Variants in GLIS3 observed in about 807,000 individuals in gnomAD.
The protein encoded by GLIS3 is zinc finger protein GLIS3.
In GLIS3, 53 loss-of-function variants were observed where a neutral mutation model predicts 78.6. That is an observed-to-expected ratio of 0.67 (90% CI 0.54 to 0.85). GLIS3 has a LOEUF of 0.85. GLIS3 is among the 40% of genes least tolerant of loss of function. The pLI, the probability that GLIS3 is intolerant of heterozygous loss-of-function variation, is 0.00. For synonymous variants in GLIS3, 684 were observed against 509.9 expected (o/e 1.34, Z -4.60); for missense variants, 1,703 against 1,231.1 (o/e 1.38, Z -5.74).
chr9:4,407,237 C>G, the GLIS3 span, among the ~76,000 whole-genome samples: 2 of 152,194 alleles, frequency 1.3e-5, no homozygotes, highest in African/African-American at 4.8e-5. Context: ...ACTGGATATC[C>G]TTACGCAGAA....
rs562934082 is a variant in GLIS3, at chr9:4,118,513, G to A, written c.965C>T (p.Thr322Met). 4.3e-6 allele frequency: 7 copies of A among 1,614,254 alleles called. No individual in the cohort carries two copies. Among genetic ancestry groups the A allele is most frequent in the South Asian group, 1.1e-5 (1 of 91,082 alleles). ...IGIDFNTIIR[T>M]SPTSLVAYIN... is the part of the protein sequence containing the mutation. ...GTAGGCCACCAAGGACGTGGGCGAC[G>A]TGCGGATGATGGTATTGAAATCTAT... The change falls in exon 4 of 11, where the codon ACG (threonine) becomes ATG (methionine). Residue 322 changes from threonine (T) to methionine (M), a missense_variant. Thr to Met is a moderately conservative substitution (Grantham distance 81). Coordinates refer to ENST00000381971, the MANE Select transcript of GLIS3 (RefSeq NM_001042413.2). This position sits in a 1 kb window ranked among gnomAD's most constrained non-coding sequence, Gnocchi z 4.7.
At chr9:4,340,474 T>G (rs1817818657) in intron 2 of GLIS3, among the ~76,000 whole-genome samples, 1 of 152,174 alleles carries the variant, frequency 6.6e-6, no homozygotes, top group Admixed American at 6.5e-5. Flanking sequence ...GGCAAATTCC[T>G]CATCTTTCAG....
chr9:4,433,236 A>C, the GLIS3 span, among the ~76,000 whole-genome samples: 1 of 152,214 alleles, frequency 6.6e-6, no homozygotes, highest in African/African-American at 2.4e-5. Flanking sequence ...GTTTGAGACC[A>C]GCCTGGCCAA....
chr9:4,203,856 A>G (rs1436605657), intron 2 of GLIS3, among the ~76,000 whole-genome samples: 2 of 152,246 alleles, frequency 1.3e-5, no homozygotes, highest in Admixed American at 1.3e-4. Context: ...TAACACAAGA[A>G]CAGGAAGCCA....
At chr9:4,189,334 C>G (rs1024580912) in intron 2 of GLIS3, among the ~76,000 whole-genome samples, 1 of 152,098 alleles carries the variant, frequency 6.6e-6, no homozygotes, top group Non-Finnish European at 1.5e-5. Context: ...ATCCTGAGTT[C>G]TAGTTTGATT....
chr9:4,042,702 A>G (rs1824923039), intron 4 of GLIS3, among the ~76,000 whole-genome samples: 1 of 152,212 alleles, frequency 6.6e-6, no homozygotes, highest in South Asian at 2.1e-4. Context: ...CACTATAACA[A>G]AACAAAACTC....
the GLIS3 span, among the ~76,000 whole-genome samples, chr9:4,354,853 A>G: frequency 6.6e-6 from 1 of 152,174 alleles, no homozygotes; most frequent in Non-Finnish European, 1.5e-5. Context: ...ATGGTGGCTC[A>G]TGCCTGTAAT....
the GLIS3 span, among the ~76,000 whole-genome samples, chr9:4,450,110 G>C: frequency 2.8e-3 from 433 of 152,254 alleles, 3 homozygotes; most frequent in African/African-American, 0.01. Context: ...AAAAAGATAA[G>C]ATGAATGGCT....
chr9:3,926,619 CCTT>C (rs1237682596), intron 6 of GLIS3, among the ~76,000 whole-genome samples: 1 of 151,512 alleles, frequency 6.6e-6, no homozygotes, highest in African/African-American at 2.4e-5. Flanking sequence ...TTCCTTCCTT[CCTT>C]CTTTTCTTTC....
chr9:4,357,573 G>C, the GLIS3 span, among the ~76,000 whole-genome samples: 1 of 151,918 alleles, frequency 6.6e-6, no homozygotes, highest in East Asian at 1.9e-4. Flanking sequence ...GTGTGTGTGT[G>C]TGTGTGTGTG....
chr9:4,423,086 G>A, the GLIS3 span, among the ~76,000 whole-genome samples: 2 of 151,996 alleles, frequency 1.3e-5, no homozygotes, highest in Non-Finnish European at 2.9e-5. Context: ...TGCCTCCATA[G>A]GTGGGGTCCC....
At chr9:3,950,591 T>G (rs1816612285) in intron 4 of GLIS3, among the ~76,000 whole-genome samples, 1 of 152,280 alleles carries the variant, frequency 6.6e-6, no homozygotes, top group African/African-American at 2.4e-5. Context: ...CTGGTTAAAT[T>G]CTATGCATTA....
intron 4 of GLIS3, among the ~76,000 whole-genome samples, chr9:3,990,383 C>G (rs923450017): frequency 6.6e-6 from 1 of 152,148 alleles, no homozygotes; most frequent in Non-Finnish European, 1.5e-5. Context: ...ACGGCAATGG[C>G]GCATGTTTTC....
chr9:4,096,254 C>T (rs903999390), intron 4 of GLIS3, among the ~76,000 whole-genome samples: 3 of 152,120 alleles, frequency 2.0e-5, no homozygotes, highest in South Asian at 2.1e-4. Flanking sequence ...GGTTAATTAA[C>T]TCTGTTTAGA....
intron 7 of GLIS3, among the ~76,000 whole-genome samples, chr9:3,888,730 G>A (rs1257786952): frequency 2.0e-5 from 3 of 152,112 alleles, no homozygotes; most frequent in East Asian, 1.9e-4. Flanking sequence ...GCCATCAGGC[G>A]CTTCAGGTTA....
Position 4,017,597 on chromosome 9 carries a change from G to C in GLIS3, c.1711-80408C>G, listed in dbSNP as rs182649704. ...TTCCCAGAGTAGAGATGATCAGAGAGAGGCTGTGAAAGGTGGCGAGGGTTT... is the reference window on the plus strand; with the variant it reads ...TTCCCAGAGTAGAGATGATCAGAGACAGGCTGTGAAAGGTGGCGAGGGTTT... On this transcript the variant is annotated intron_variant, in intron 4 of 10. Coordinates refer to ENST00000381971, the MANE Select transcript of GLIS3 (RefSeq NM_001042413.2). Among the ~76,000 whole-genome samples, 133 of 152,298 alleles carry C rather than the reference G, an allele frequency of 8.7e-4. 1 individual carries two copies. Among genetic ancestry groups the C allele is most frequent in the Non-Finnish European group, 1.5e-4 (10 of 68,032 alleles).
intron 4 of GLIS3, among the ~76,000 whole-genome samples, chr9:3,973,490 G>A (rs58140800): frequency 0.035 from 5,277 of 152,134 alleles, 309 homozygotes; most frequent in African/African-American, 0.12. Flanking sequence ...AAGACACTCC[G>A]ATCAGATATT....
chr9:4,048,460 CATAAT>C (rs1384733123), intron 4 of GLIS3, among the ~76,000 whole-genome samples: 1 of 151,988 alleles, frequency 6.6e-6, no homozygotes, highest in African/African-American at 2.4e-5. Context: ...TCAGTATGTG[CATAAT>C]ATAAGCCATT....
At chr9:4,422,202 G>A in the GLIS3 span, among the ~76,000 whole-genome samples, 1 of 152,180 alleles carries the variant, frequency 6.6e-6, no homozygotes, top group Admixed American at 6.5e-5. Flanking sequence ...ACACTTTGAT[G>A]ATTGTATTTC....
Sources: gnomAD v4.1 joint callset for allele counts (sites outside exome capture counted in the v4.1 genomes callset) on GRCh38, gnomAD v4.1.1 for gene constraint, Gnocchi (gnomAD v3.1) non-coding constraint, MANE v1.5 for transcripts, NCBI Gene and HGNC (gene_info 2026-07-23, HGNC 2026-07-21) for gene names.